SLC41A2: variants seen among roughly 807,000 people sequenced by gnomAD.
SLC41A2 encodes the protein SLC41A1-like 1.
Under a neutral mutation model 58.3 loss-of-function variants are expected in SLC41A2, and 32 were observed. That is an observed-to-expected ratio of 0.55 (90% CI 0.41 to 0.74). The LOEUF (loss-of-function observed/expected upper bound fraction) is 0.74, where lower values mean the gene tolerates loss of function less well. Among genes scored for constraint, SLC41A2 ranks in the 30% least tolerant of loss-of-function variants. The pLI is 0.00. For missense variants in SLC41A2, 514 were observed against 680.6 expected (o/e 0.76, Z 2.72); for synonymous variants, 190 against 235.0 (o/e 0.81, Z 1.75).
intron 10 of SLC41A2, among the ~76,000 whole-genome samples, chr12:104,813,844 C>T (rs2041279723): frequency 6.6e-6 from 1 of 151,348 alleles, no homozygotes; most frequent in East Asian, 1.9e-4. Flanking sequence ...CCATGTTGGC[C>T]AGGCTGGTCT....
chr12:104,912,740 T>C (rs1478518034), intron 2 of SLC41A2, among the ~76,000 whole-genome samples: 2 of 152,234 alleles, frequency 1.3e-5, no homozygotes, highest in Non-Finnish European at 2.9e-5. Flanking sequence ...TCAGAAATTC[T>C]GGAGGCCAGG....
chr12:104,831,547 T>C (rs544843094), intron 10 of SLC41A2, among the ~76,000 whole-genome samples: 44 of 152,212 alleles, frequency 2.9e-4, no homozygotes, highest in South Asian at 2.1e-4. Context: ...TGTATCCCCA[T>C]TGTTAAGCAA....
intron 10 of SLC41A2, among the ~76,000 whole-genome samples, chr12:104,816,464 C>T (rs528758471): frequency 3.3e-5 from 5 of 152,290 alleles, no homozygotes; most frequent in African/African-American, 9.6e-5. Context: ...CCTGAGCAGG[C>T]GGCTGCCCTG....
rs1224308355 is a variant in SLC41A2, at chr12:104,845,867, G to A, written c.1363C>T (p.Pro455Ser). The change falls in exon 9 of 11, where the codon CCA (proline) becomes TCA (serine). Residue 455 changes from proline (P) to serine (S), a missense_variant. Physicochemically the swap from Pro to Ser is moderately conservative, Grantham distance 74 (BLOSUM62 -1). This residue lies in a region of SLC41A2 where 128 missense variants were observed against 146.0 expected (regional missense o/e 0.88). Transcript: ENST00000258538. The stretch of plus-strand genomic sequence containing the variant: ...CCTGGACCAAAGAAAGTTCTAAATG[G>A]GTAGTAACAACCTTTGGGTTCATCA... ...LPDEPKGCYY[P>S]FRTFFGPGVN... The A allele has an allele frequency of 1.2e-6, 2 of 1,613,044 alleles. No individual in the cohort carries two copies. The highest frequency in any genetic ancestry group is 1.7e-5 in the Admixed American group (1 of 59,962).
intron 1 of SLC41A2, among the ~76,000 whole-genome samples, chr12:104,936,201 C>T (rs562418655): frequency 2.0e-5 from 3 of 152,214 alleles, no homozygotes; most frequent in South Asian, 2.1e-4. Flanking sequence ...ATATGTAGTA[C>T]ATAATATTTG....
In SLC41A2 at chr12:104,940,512, T is replaced by TA. The variant is rs1179136458; in HGVS notation, c.-167-11819dup. Among the ~76,000 whole-genome samples the TA allele has an allele frequency of 6.9e-4, 69 of 100,330 alleles. 1 individual carries two copies. The highest frequency in any genetic ancestry group is 2.9e-3 in the African/African-American group (66 of 23,090). 65.8% of individuals were successfully genotyped at this position (100,330 alleles called of 152,430 possible). On this transcript the variant is annotated intron_variant, in intron 1 of 10. Coordinates refer to ENST00000258538, the MANE Select transcript of SLC41A2 (RefSeq NM_001352171.3). ...TAAAGTATAATAAAAAACAAAAAAATAAAAAAATAAAATATAAGCTAAAAA... is the reference window on the plus strand; with the variant it reads ...TAAAGTATAATAAAAAACAAAAAAATAAAAAAAATAAAATATAAGCTAAAAA...
intron 2 of SLC41A2, among the ~76,000 whole-genome samples, chr12:104,912,475 G>A (rs1181786875): frequency 6.6e-6 from 1 of 152,148 alleles, no homozygotes; most frequent in Non-Finnish European, 1.5e-5. Context: ...AAGTCCAAAA[G>A]GACTTGGTTT....
intron 6 of SLC41A2, among the ~76,000 whole-genome samples, chr12:104,869,798 T>C (rs1241361934): frequency 6.6e-6 from 1 of 152,360 alleles, no homozygotes; most frequent in East Asian, 1.9e-4. Context: ...GATATACTGG[T>C]GTTTTATAGA....
intron 6 of SLC41A2, among the ~76,000 whole-genome samples, chr12:104,881,720 G>A (rs979068531): frequency 6.6e-6 from 1 of 152,212 alleles, no homozygotes. Flanking sequence ...TTGCTGAGGA[G>A]TGCTTTACTT....
At chr12:104,922,892 A>C (rs1404698580) in intron 2 of SLC41A2, among the ~76,000 whole-genome samples, 1 of 152,176 alleles carries the variant, frequency 6.6e-6, no homozygotes, top group Non-Finnish European at 1.5e-5. Context: ...AACTACACAA[A>C]CACATAGAAA....
intron 2 of SLC41A2, among the ~76,000 whole-genome samples, chr12:104,914,420 A>G (rs1463932152): frequency 6.6e-6 from 1 of 152,194 alleles, no homozygotes; most frequent in Non-Finnish European, 1.5e-5. Flanking sequence ...TTCCTGTTTT[A>G]TATTGATTTT....
chr12:104,919,205 T>A (rs1434081067), intron 2 of SLC41A2, among the ~76,000 whole-genome samples: 1 of 152,230 alleles, frequency 6.6e-6, no homozygotes, highest in African/African-American at 2.4e-5. Flanking sequence ...TGCTGGGTAG[T>A]AGTATTCCAT....
At chr12:104,862,946 C>T (rs1186997264) in intron 7 of SLC41A2, among the ~76,000 whole-genome samples, 4 of 152,076 alleles carry the variant, frequency 2.6e-5, no homozygotes, top group African/African-American at 9.7e-5. Context: ...CTGTTATAAA[C>T]TATCACCACC....
intron 6 of SLC41A2, among the ~76,000 whole-genome samples, chr12:104,871,719 T>A (rs2043787774): frequency 6.6e-6 from 1 of 152,218 alleles, no homozygotes; most frequent in African/African-American, 2.4e-5. Flanking sequence ...TAACTTCTAA[T>A]CACGTTAATT....
chr12:104,951,128 C>T (rs1394238514), intron 1 of SLC41A2, among the ~76,000 whole-genome samples: 2 of 151,934 alleles, frequency 1.3e-5, no homozygotes, highest in African/African-American at 4.8e-5. Context: ...AAATGGATTC[C>T]CATATTTTAG....
chr12:104,828,691 A>G (rs2041937170), intron 10 of SLC41A2, among the ~76,000 whole-genome samples: 1 of 152,178 alleles, frequency 6.6e-6, no homozygotes. Flanking sequence ...TCAACATCAT[A>G]TTGTAAACCT....
At chr12:104,843,036 C>A (rs1234601026) in intron 10 of SLC41A2, among the ~76,000 whole-genome samples, 8 of 151,906 alleles carry the variant, frequency 5.3e-5, no homozygotes, top group African/African-American at 1.9e-4. Context: ...CAATAAATGA[C>A]CATATAATAT....
Position 104,909,659 on chromosome 12 carries a change from G to A in SLC41A2, c.659C>T (p.Thr220Ile). 6.2e-7 allele frequency: 1 copy of A among 1,605,892 alleles called. No individual in the cohort carries two copies. The highest frequency in any genetic ancestry group is 8.5e-7 in the Non-Finnish European group (1 of 1,175,932). Reference sequence around the variant, plus strand: ...TTGAGGTAGGAAAAAACTTACTGCAGTGGATAATCTGGATGCCAATGTCAT... The same window carrying A: ...TTGAGGTAGGAAAAAACTTACTGCAATGGATAATCTGGATGCCAATGTCAT... Reference protein sequence around the residue: ...LEMTLASRLSTAVNIGKMDSP... With the variant: ...LEMTLASRLSIAVNIGKMDSP... Residue 220 changes from threonine (T) to isoleucine (I), a missense_variant, in exon 3 of 11, where the codon ACT becomes ATT. Physicochemically the swap from Thr to Ile is moderately conservative, Grantham distance 89. Coordinates refer to ENST00000258538, the MANE Select transcript of SLC41A2 (RefSeq NM_001352171.3).
At chr12:104,879,294 G>A (rs1258472195) in intron 6 of SLC41A2, among the ~76,000 whole-genome samples, 1 of 152,158 alleles carries the variant, frequency 6.6e-6, no homozygotes, top group Non-Finnish European at 1.5e-5. Context: ...CTTTTGCTGT[G>A]CAGAAGCTCT....
Sources: gnomAD v4.1 joint callset for allele counts (sites outside exome capture counted in the v4.1 genomes callset) on GRCh38, gnomAD v4.1.1 for gene constraint, gnomAD v4.1.1 regional missense constraint, MANE v1.5 for transcripts, NCBI Gene and HGNC (gene_info 2026-07-23, HGNC 2026-07-21) for gene names.